SYNE1: variants seen among roughly 807,000 people sequenced by gnomAD.
SYNE1 encodes spectrin repeat containing nuclear envelope protein 1.
A neutral mutation model predicts 1,111.0 loss-of-function variants in SYNE1; 616 were observed. That is an observed-to-expected ratio of 0.55 (90% CI 0.52 to 0.59). SYNE1 has a LOEUF of 0.59. Among genes scored for constraint, SYNE1 ranks in the 20% least tolerant of loss-of-function variants. The pLI is 0.00. For synonymous variants in SYNE1, 3,855 were observed against 3,825.8 expected (o/e 1.01, Z -0.28); for missense variants, 10,006 against 10,417.0 (o/e 0.96, Z 1.72).
At chr6:152,625,438 G>A (rs1237778372) in intron 3 of SYNE1, among the ~76,000 whole-genome samples, 3 of 152,182 alleles carry the variant, frequency 2.0e-5, no homozygotes. Context: ...ATTTCACCCA[G>A]TTTCCTTTGA....
chr6:152,305,415 G>A (rs780616236), intron 91 of SYNE1, among the ~76,000 whole-genome samples: 6 of 151,960 alleles, frequency 3.9e-5, no homozygotes, highest in African/African-American at 7.2e-5. Context: ...ACAGACACCC[G>A]TCACCACCCA....
At chr6:152,367,988 C>T (rs989763859) in intron 61 of SYNE1, 1 of 154,408 alleles carries the variant, frequency 6.5e-6, no homozygotes, top group African/African-American at 2.4e-5. Context: ...TGATTCATTC[C>T]TTATCTTAAC....
intron 3 of SYNE1, among the ~76,000 whole-genome samples, chr6:152,585,704 G>C (rs1268724817): frequency 6.6e-6 from 1 of 152,044 alleles, no homozygotes; most frequent in African/African-American, 2.4e-5. Context: ...GACAAGCTAA[G>C]AAAGGATTTC....
chr6:152,297,367 G>A (rs573917591), intron 93 of SYNE1, among the ~76,000 whole-genome samples: 14 of 152,090 alleles, frequency 9.2e-5, no homozygotes, highest in Non-Finnish European at 1.6e-4. Flanking sequence ...CCTGACTCCA[G>A]CCAGTTTAGG....
intron 3 of SYNE1, among the ~76,000 whole-genome samples, chr6:152,603,931 AT>A (rs1474138972): frequency 1.7e-3 from 246 of 144,530 alleles, no homozygotes; most frequent in African/African-American, 3.5e-3. Context: ...ATATATGTAT[AT>A]GTATATAGAT....
At chr6:152,155,458 G>A (rs762236528) in intron 132 of SYNE1, 85 of 308,532 alleles carry the variant, frequency 2.8e-4, no homozygotes, top group Non-Finnish European at 4.7e-4. Flanking sequence ...GTTAATCTAT[G>A]ACAGCAGGAC....
In SYNE1 at chr6:152,482,232, G is replaced by C. The variant is rs146153688; in HGVS notation, c.1350+853C>G. Among the ~76,000 whole-genome samples, 257 of 152,252 alleles carry C rather than the reference G, an allele frequency of 1.7e-3. 5 individuals are homozygous for C. The East Asian group carries it at 0.046, about 27-fold the overall frequency. Reference sequence around the variant, plus strand: ...ATCTAGCTCCAAAAGTAAAGCCCCAGAGAGGCATAAAATAATAAAAGGCAA... The same window carrying C: ...ATCTAGCTCCAAAAGTAAAGCCCCACAGAGGCATAAAATAATAAAAGGCAA... On this transcript the variant is annotated intron_variant, in intron 14 of 145. Transcript: ENST00000367255.
chr6:152,481,979 T>C (rs577625226), intron 14 of SYNE1, among the ~76,000 whole-genome samples: 26 of 151,924 alleles, frequency 1.7e-4, no homozygotes, highest in South Asian at 8.3e-4. Context: ...GCGTTGGTGA[T>C]TGGGGGAGGA....
rs549829136 is a variant in SYNE1, at chr6:152,368,895, C to A, written c.9807+77G>T. On this transcript the variant is annotated intron_variant, in intron 61 of 145. Transcript: ENST00000367255. ...TGTGGGCGGGTCAGGATGCAATGCACACCCTGCAGAACCTGCTGCAACTCC... is the reference window on the plus strand; with the variant it reads ...TGTGGGCGGGTCAGGATGCAATGCAAACCCTGCAGAACCTGCTGCAACTCC... The A allele has an allele frequency of 4.4e-6, 7 of 1,601,322 alleles. No homozygotes were observed. In the African/African-American group the frequency reaches 9.4e-5, roughly 21 times the overall value.
At chr6:152,284,470 T>G (rs983902978) in intron 95 of SYNE1, among the ~76,000 whole-genome samples, 4 of 152,044 alleles carry the variant, frequency 2.6e-5, no homozygotes, top group Non-Finnish European at 4.4e-5. Context: ...TTATTTTTTA[T>G]TTTTTAGAGA....
intron 44 of SYNE1, among the ~76,000 whole-genome samples, chr6:152,408,602 C>T (rs7741485): frequency 0.032 from 4,860 of 152,226 alleles, 108 homozygotes; most frequent in African/African-American, 0.055. Context: ...TATTTCTAAA[C>T]TTTATGTGAG....
At position 152,356,821 on chromosome 6, in the gene SYNE1, T is replaced by G. The variant is rs144516206; in HGVS notation, c.10608+1552A>C. 4.9e-3 allele frequency among the ~76,000 whole-genome samples: 746 copies of G among 152,156 alleles called. 10 individuals are homozygous for G. Among genetic ancestry groups the G allele is most frequent in the African/African-American group, 0.017 (690 of 41,516 alleles). ...AATGCATGGTGAAATCAGGGGGAGG[T>G]TAGGTTTGCACCACACGAATACCGG... On this transcript the variant is annotated intron_variant, in intron 66 of 145. Transcript: ENST00000367255.
At chr6:152,143,572 A>G (rs756263416) in intron 138 of SYNE1, 51 bp downstream of exon 138, 1 of 1,613,544 alleles carries the variant, frequency 6.2e-7, no homozygotes, top group Admixed American at 1.7e-5. Flanking sequence ...GTTCTTTGAC[A>G]CAGAACTGTG....
chr6:152,250,654 A>G (rs2088907265), intron 104 of SYNE1, among the ~76,000 whole-genome samples: 1 of 152,238 alleles, frequency 6.6e-6, no homozygotes, highest in Non-Finnish European at 1.5e-5. Context: ...AATTATAATA[A>G]CAGCCCTGGA....
In SYNE1 at chr6:152,201,967, A is replaced by G. The variant is rs1176471744; in HGVS notation, c.23020-18T>C. The stretch of plus-strand genomic sequence containing the variant: ...TCCCAGTCCTATCATGGGAATAAAA[A>G]CAAATAGCATAGATGTTTTTGATGT... On this transcript the variant is annotated intron_variant, in intron 126 of 145. Transcript: ENST00000367255. 6.2e-7 allele frequency: 1 copy of G among 1,613,548 alleles called. No homozygotes were observed. The highest frequency in any genetic ancestry group is 1.3e-5 in the African/African-American group (1 of 74,906).
At chr6:152,228,518 G>A (rs1182280973) in intron 115 of SYNE1, among the ~76,000 whole-genome samples, 2 of 151,734 alleles carry the variant, frequency 1.3e-5, no homozygotes, top group African/African-American at 4.8e-5. Context: ...CTATGTTAAA[G>A]AGAAGAAAAA....
At chr6:152,476,389 T>C (rs1008779766) in intron 14 of SYNE1, among the ~76,000 whole-genome samples, 2 of 152,212 alleles carry the variant, frequency 1.3e-5, no homozygotes, top group Non-Finnish European at 2.9e-5. Flanking sequence ...ATGTATCTAA[T>C]GCTGAAAATT....
rs754420786 is a variant in SYNE1 at position 152,416,783 on chromosome 6, C to T, written c.5654G>A (p.Arg1885His). 1.9e-6 allele frequency: 3 copies of T among 1,614,190 alleles called. No homozygotes were observed. The highest frequency in any genetic ancestry group is 1.7e-5 in the Admixed American group (1 of 60,020). ...TGCTTCCACTGTTTGCCTCAGCTGG[C>T]GGAGAATGCCGGACAGAGAGGCATG... ...QSHASLSGIL[R>H]QLRQTVEATN... Residue 1885 changes from arginine (R) to histidine (H), a missense_variant, in exon 41 of 146, where the codon CGC becomes CAC. Arg to His is a conservative substitution (Grantham distance 29, BLOSUM62 0). Transcript: ENST00000367255.
Position 152,127,335 on chromosome 6 carries a change from G to A in SYNE1, c.26153+3385C>T, listed in dbSNP as rs187101037. The A allele has an allele frequency of 4.6e-5, 7 of 152,164 alleles. No individual in the cohort carries two copies. The East Asian group carries it at 1.4e-3, about 29-fold the overall frequency. 9.4% of individuals were successfully genotyped at this position (152,164 alleles called of 1,614,324 possible). On this transcript the variant is annotated intron_variant, in intron 145 of 145. Coordinates refer to ENST00000367255, the MANE Select transcript of SYNE1 (RefSeq NM_182961.4). ...AAATTGGGAATATAGCCATGTCATG[G>A]GATTCTTGTGAGGGTTAAATGAGGT... is the stretch of plus-strand genomic sequence containing the variant.
Sources: allele counts gnomAD v4.1 joint callset (sites outside exome capture counted in the v4.1 genomes callset), GRCh38; gene constraint gnomAD v4.1.1; transcripts MANE v1.5; gene names NCBI Gene and HGNC (gene_info 2026-07-23, HGNC 2026-07-21).